The following FBN3 variants were observed in gnomAD, a reference collection of about 807,000 sequenced individuals.
FBN3 encodes fibrillin 3.
Under a neutral mutation model 330.1 loss-of-function variants are expected in FBN3, and 234 were observed. The observed-to-expected ratio is 0.71, with a 90% confidence interval of 0.64 to 0.79. The LOEUF (loss-of-function observed/expected upper bound fraction) is 0.79, where lower values mean the gene tolerates loss of function less well. FBN3 is among the 30% of genes least tolerant of loss of function. The probability of loss-of-function intolerance (pLI) is 0.00; values close to 1 mark genes in which losing one functional copy is unlikely to be tolerated. For missense variants in FBN3, 3,606 were observed against 3,886.9 expected (o/e 0.93, Z 1.92); for synonymous variants, 1,458 against 1,517.3 (o/e 0.96, Z 0.91).
chr19:8,065,992 C>A lies in FBN3; in HGVS notation c.8357G>T (p.Gly2786Val). Residue 2786 changes from glycine to valine, a missense_variant, in exon 64 of 64, where the codon GGT (glycine) becomes GTT (valine). Transcript: ENST00000600128. ...EVVSHMAGPW[G>V]VQPEGQPGPW... ...CCCTGGCTGCCCCTCTGGCTGGACACCCCAGGGTCCTGCCATGTGGCTCAC... is the reference window on the plus strand; with the variant it reads ...CCCTGGCTGCCCCTCTGGCTGGACAACCCAGGGTCCTGCCATGTGGCTCAC... 1 of 1,612,952 alleles carries A rather than the reference C, an allele frequency of 6.2e-7. No individual in the cohort carries two copies. The highest frequency in any genetic ancestry group is 8.5e-7 in the Non-Finnish European group (1 of 1,179,980).
chr19:8,105,112 G>C (rs2082410362), intron 38 of FBN3, among the ~76,000 whole-genome samples: 1 of 151,646 alleles, frequency 6.6e-6, no homozygotes. Context: ...GTGTCACTAT[G>C]CCCGGCTAAT....
rs2082521202 is a variant in FBN3 at position 8,109,261 on chromosome 19, G to C, written c.4584C>G (p.Gly1528=). The change falls in exon 36 of 64, where the codon GGC becomes GGG. Residue 1528 remains glycine, a synonymous_variant. Transcript: ENST00000600128. This position sits in a 1 kb window ranked among gnomAD's most constrained non-coding sequence, Gnocchi z 5.2. ...CCATAGGGCACAGCTCACAGGGATT[G>C]CCCCAAGCCCGGCCCAGGGAGCAAC... ...SCCCSLGRAW[G]NPCELCPMAN... The C allele has an allele frequency of 1.9e-6, 3 of 1,614,132 alleles. No individual in the cohort carries two copies. Among genetic ancestry groups the C allele is most frequent in the Non-Finnish European group, 2.5e-6 (3 of 1,180,012 alleles).
chr19:8,125,734 T>C (rs538922595), intron 22 of FBN3, among the ~76,000 whole-genome samples, 158 bp downstream of exon 22: 1 of 148,886 alleles, frequency 6.7e-6, no homozygotes, highest in Admixed American at 6.7e-5. Context: ...GAAGTTACAG[T>C]GAGCCGAGAT....
intron 13 of FBN3, 25 bp downstream of exon 13, chr19:8,135,936 G>GCGCTCCCCCCCCCCC: frequency 1.5e-6 from 1 of 668,778 alleles, no homozygotes; most frequent in Admixed American, 2.9e-5. Context: ...GGAAGCCCCT[G>GCGCTCCCCCCCCCCC]CCCACCCGCC....
intron 59 of FBN3, among the ~76,000 whole-genome samples, chr19:8,076,601 T>G (rs1206774023): frequency 6.6e-6 from 1 of 152,120 alleles, no homozygotes; most frequent in South Asian, 2.1e-4. Context: ...ATTGTTCCAC[T>G]GCACTCCAGT....
intron 28 of FBN3, 113 bp downstream of exon 28, chr19:8,117,056 G>A (rs1056968232): frequency 3.2e-5 from 47 of 1,469,378 alleles, no homozygotes; most frequent in Non-Finnish European, 4.1e-5. Context: ...GGGGTGCCTC[G>A]GGTCTGGCTG....
intron 26 of FBN3, among the ~76,000 whole-genome samples, chr19:8,118,558 TCACA>T (rs1220146510): frequency 6.6e-6 from 1 of 150,568 alleles, no homozygotes; most frequent in Non-Finnish European, 1.5e-5. Context: ...TCTTGTGTGT[TCACA>T]CAGACGCACA....
In FBN3 at chr19:8,085,353, G is replaced by A. The variant is rs1270926989; in HGVS notation, c.7087+10C>T. The A allele has an allele frequency of 3.2e-6, 5 of 1,562,468 alleles. No individual in the cohort carries two copies. Among genetic ancestry groups the A allele is most frequent in the African/African-American group, 1.4e-5 (1 of 73,376 alleles). On this transcript the variant is annotated intron_variant, in intron 56 of 63. Coordinates refer to ENST00000600128, the MANE Select transcript of FBN3 (RefSeq NM_032447.5). ...GCCTCCCTGGGGGTCCTGAGGGCAT[G>A]GGCACCCACCTCGGCCCTCAGCAGT...
chr19:8,106,699 A>G (rs1237422648), intron 37 of FBN3, among the ~76,000 whole-genome samples: 1 of 151,656 alleles, frequency 6.6e-6, no homozygotes, highest in Non-Finnish European at 1.5e-5. Context: ...ATAGGTGAGT[A>G]GACAGGCAAA....
In FBN3 at chr19:8,109,278, G is replaced by C. The variant is rs947728219; in HGVS notation, c.4567C>G (p.Leu1523Val). The change falls in exon 36 of 64, where the codon CTG (leucine) becomes GTG (valine). Residue 1523 changes from leucine to valine, a missense_variant. By Grantham distance (32) the Leu-to-Val change is conservative. Transcript: ENST00000600128. The surrounding 1 kb of genome is among the most constrained non-coding windows in gnomAD (Gnocchi z 5.2). ...CAGGGATTGCCCCAAGCCCGGCCCA[G>C]GGAGCAACAGCAGGAAGCTCGGGTG... ...GVTRASCCCS[L>V]GRAWGNPCEL... 5.0e-6 allele frequency: 8 copies of C among 1,614,086 alleles called. No homozygotes were observed. The African/African-American group carries it at 1.1e-4, about 22-fold the overall frequency.
At chr19:8,076,045 C>T (rs910491952) in intron 59 of FBN3, among the ~76,000 whole-genome samples, 1 of 152,010 alleles carries the variant, frequency 6.6e-6, no homozygotes, top group Non-Finnish European at 1.5e-5. Context: ...GAGAATAGTG[C>T]CCTTATAAGA....
chr19:8,124,195 A>G (rs148288278), intron 22 of FBN3, among the ~76,000 whole-genome samples, 187 bp from the exon 23 acceptor site: 65 of 151,996 alleles, frequency 4.3e-4, no homozygotes, highest in African/African-American at 1.5e-3. Context: ...GTTCTGTAGC[A>G]CTGTTCTAAG....
At chr19:8,097,193 G>A (rs2082229330) in intron 42 of FBN3, 96 bp downstream of exon 42, 1 of 1,504,860 alleles carries the variant, frequency 6.6e-7, no homozygotes, top group Non-Finnish European at 9.0e-7. Context: ...ACAGGGAAAT[G>A]GAGGCTTACA....
intron 59 of FBN3, among the ~76,000 whole-genome samples, chr19:8,080,070 C>T (rs922228394): frequency 6.6e-5 from 10 of 152,228 alleles, no homozygotes; most frequent in Non-Finnish European, 1.2e-4. Flanking sequence ...CTCTTCTCTG[C>T]CAATATAGTG....
intron 41 of FBN3, among the ~76,000 whole-genome samples, chr19:8,099,433 A>G (rs1044572752): frequency 3.3e-5 from 5 of 151,558 alleles, no homozygotes; most frequent in Non-Finnish European, 7.4e-5. Flanking sequence ...GGCGCCCGCC[A>G]CCACGCCCGG....
Position 8,112,198 on chromosome 19 carries a change from G to A in FBN3, c.3839-99C>T, listed in dbSNP as rs1354260914. ...GCAGGGACTCTTCCTCTCTAGGGGA[G>A]AGCTGGCCCAGAAAGCCTCCTCCCA... On this transcript the variant is annotated intron_variant, in intron 30 of 63. Coordinates refer to ENST00000600128, the MANE Select transcript of FBN3 (RefSeq NM_032447.5). 3.8e-6 allele frequency: 5 copies of A among 1,325,592 alleles called. No individual in the cohort carries two copies. The East Asian group carries it at 9.9e-5, about 26-fold the overall frequency. The allele number at this position is 1,325,592 out of a possible 1,614,324, so 82.1% of individuals were successfully genotyped here.
chr19:8,135,936 G>GCTCC, intron 13 of FBN3, 25 bp downstream of exon 13: 1 of 668,772 alleles, frequency 1.5e-6, no homozygotes, highest in Non-Finnish European at 2.4e-6. Context: ...GGAAGCCCCT[G>GCTCC]CCCACCCGCC....
intron 21 of FBN3, 27 bp downstream of exon 21, chr19:8,126,270 G>C (rs1472429586): frequency 6.3e-7 from 1 of 1,579,904 alleles, no homozygotes; most frequent in Non-Finnish European, 8.6e-7. Flanking sequence ...GGAGTAGGGG[G>C]TGAGCTGGAC....
chr19:8,133,169 C>T, intron 13 of FBN3, 63 bp from the exon 14 acceptor site: 2 of 1,498,034 alleles, frequency 1.3e-6, no homozygotes, highest in Non-Finnish European at 1.8e-6. Flanking sequence ...TCTCTCCCTC[C>T]TCCAGGCTCC....
Sources: gnomAD v4.1 joint callset for allele counts (sites outside exome capture counted in the v4.1 genomes callset) on GRCh38, gnomAD v4.1.1 for gene constraint, Gnocchi (gnomAD v3.1) non-coding constraint, MANE v1.5 for transcripts, NCBI Gene and HGNC (gene_info 2026-07-23, HGNC 2026-07-21) for gene names.